The following MGAT4C variants were observed in gnomAD, a reference collection of about 807,000 sequenced individuals.
MGAT4C encodes the protein alpha-1,3-mannosyl-glycoprotein 4-beta-N-acetylglucosaminyltransferase C.
A neutral mutation model predicts 40.1 loss-of-function variants in MGAT4C; 19 were observed. That is an observed-to-expected ratio of 0.47 (90% CI 0.33 to 0.70). The LOEUF (loss-of-function observed/expected upper bound fraction) is 0.70, where lower values mean the gene tolerates loss of function less well. Among genes scored for constraint, MGAT4C ranks in the 30% least tolerant of loss-of-function variants. MGAT4C has a pLI of 0.02. For synonymous variants in MGAT4C, 181 were observed against 187.1 expected (o/e 0.97, Z 0.27); for missense variants, 491 against 563.2 (o/e 0.87, Z 1.30).
intron 2 of MGAT4C, among the ~76,000 whole-genome samples, chr12:86,477,230 T>C (rs544126289): frequency 6.6e-6 from 1 of 151,938 alleles, no homozygotes; most frequent in Non-Finnish European, 1.5e-5. Flanking sequence ...TGGTATACTA[T>C]GCAGCCATTA....
intron 2 of MGAT4C, among the ~76,000 whole-genome samples, chr12:86,040,734 C>CA (rs1214441582): frequency 2.5e-5 from 3 of 119,332 alleles, no homozygotes; most frequent in African/African-American, 9.9e-5. Context: ...AACAAACAAA[C>CA]AAACAAAAAA....
chr12:86,693,566 C>A (rs866589058), intron 2 of MGAT4C, among the ~76,000 whole-genome samples: 1 of 151,810 alleles, frequency 6.6e-6, no homozygotes, highest in Non-Finnish European at 1.5e-5. Flanking sequence ...TTTTTTGGTG[C>A]AAATACTTCA....
At chr12:86,553,038 C>T (rs1300292273) in intron 2 of MGAT4C, among the ~76,000 whole-genome samples, 1 of 151,928 alleles carries the variant, frequency 6.6e-6, no homozygotes, top group Admixed American at 6.6e-5. Context: ...AAATAATAAT[C>T]ATTTGCTTTT....
chr12:86,837,629 A>T (rs1566024799), intron 1 of MGAT4C, among the ~76,000 whole-genome samples: 1 of 151,968 alleles, frequency 6.6e-6, no homozygotes, highest in African/African-American at 2.4e-5. Flanking sequence ...TTTTATAGTC[A>T]TTTTTAACAC....
chr12:86,536,481 G>A (rs1005785526), intron 2 of MGAT4C, among the ~76,000 whole-genome samples: 2 of 152,106 alleles, frequency 1.3e-5, no homozygotes, highest in Non-Finnish European at 2.9e-5. Context: ...AACTTAAAAT[G>A]AGTCTTCAGT....
intron 2 of MGAT4C, among the ~76,000 whole-genome samples, chr12:86,475,323 G>T (rs116325873): frequency 5.9e-5 from 9 of 151,842 alleles, no homozygotes; most frequent in Non-Finnish European, 1.2e-4. Flanking sequence ...ATTTGGTTGC[G>T]AAATGGTCAC....
At chr12:86,533,333 T>C (rs1959014729) in intron 2 of MGAT4C, among the ~76,000 whole-genome samples, 1 of 152,010 alleles carries the variant, frequency 6.6e-6, no homozygotes, top group South Asian at 2.1e-4. Context: ...CAAACAACTT[T>C]CTACTGAAGC....
intron 2 of MGAT4C, among the ~76,000 whole-genome samples, chr12:86,707,277 G>A (rs527928909): frequency 6.6e-6 from 1 of 152,280 alleles, no homozygotes; most frequent in Admixed American, 6.5e-5. Flanking sequence ...AGGAAAATGT[G>A]GGAAAGTTTG....
intron 1 of MGAT4C, among the ~76,000 whole-genome samples, chr12:86,804,155 C>T (rs1476951712): frequency 6.6e-6 from 1 of 151,044 alleles, no homozygotes; most frequent in East Asian, 2.0e-4. Context: ...TCTCAGTAAA[C>T]TATCACAAGA....
intron 2 of MGAT4C, among the ~76,000 whole-genome samples, chr12:86,038,928 T>C (rs1891519940): frequency 6.7e-6 from 1 of 148,904 alleles, no homozygotes; most frequent in Admixed American, 6.7e-5. Context: ...GCAGGCCTGG[T>C]GGTGAGAAAA....
At chr12:86,403,996 T>A (rs1956417611) in intron 3 of MGAT4C, among the ~76,000 whole-genome samples, 1 of 152,154 alleles carries the variant, frequency 6.6e-6, no homozygotes, top group South Asian at 2.1e-4. Flanking sequence ...TAATCAAATA[T>A]TACCGGAAAT....
intron 3 of MGAT4C, among the ~76,000 whole-genome samples, chr12:86,395,716 T>A (rs1019504952): frequency 6.6e-6 from 1 of 152,192 alleles, no homozygotes; most frequent in African/African-American, 2.4e-5. Context: ...AGTCCTTGAT[T>A]TTCTTTCCCT....
At chr12:86,444,898 TA>T (rs1320140589) in intron 2 of MGAT4C, among the ~76,000 whole-genome samples, 1 of 152,218 alleles carries the variant, frequency 6.6e-6, no homozygotes, top group Non-Finnish European at 1.5e-5. Context: ...GATGAATTTC[TA>T]AATTATACTG....
chr12:86,618,992 C>T (rs545633169), intron 2 of MGAT4C, among the ~76,000 whole-genome samples: 2 of 151,470 alleles, frequency 1.3e-5, no homozygotes, highest in Non-Finnish European at 2.9e-5. Flanking sequence ...ATAAAAGTAA[C>T]AATAAAATAT....
intron 1 of MGAT4C, among the ~76,000 whole-genome samples, chr12:86,087,743 A>G (rs2135559814): frequency 6.6e-6 from 1 of 152,248 alleles, no homozygotes; most frequent in Non-Finnish European, 1.5e-5. Flanking sequence ...GAAATCAGAG[A>G]TTACACAGAC....
At chr12:86,034,513 A>G (rs1891043304) in intron 2 of MGAT4C, among the ~76,000 whole-genome samples, 2 of 147,164 alleles carry the variant, frequency 1.4e-5, no homozygotes, top group African/African-American at 4.9e-5. Context: ...TTTTTTCCAG[A>G]TTTTCTACCT....
At chr12:86,243,787 G>T (rs1951896570) in intron 1 of MGAT4C, among the ~76,000 whole-genome samples, 1 of 152,148 alleles carries the variant, frequency 6.6e-6, no homozygotes, top group South Asian at 2.1e-4. Context: ...CTCTATTGCA[G>T]CCTCCAGAGA....
intron 1 of MGAT4C, among the ~76,000 whole-genome samples, chr12:86,097,608 C>T (rs1874182109): frequency 6.6e-6 from 1 of 151,466 alleles, no homozygotes. Context: ...ATCTTTGAAA[C>T]TTGCCATGGA....
At chr12:86,694,154 A>G (rs972297492) in intron 2 of MGAT4C, among the ~76,000 whole-genome samples, 3 of 152,144 alleles carry the variant, frequency 2.0e-5, no homozygotes, top group Non-Finnish European at 4.4e-5. Context: ...GTGTCTTTCC[A>G]GCTCTTTCTT....
Sources: allele counts gnomAD v4.1 joint callset (sites outside exome capture counted in the v4.1 genomes callset), GRCh38; gene constraint gnomAD v4.1.1; transcripts MANE v1.5; gene names NCBI Gene and HGNC (gene_info 2026-07-23, HGNC 2026-07-21).